Variants in SH2D7 observed in about 807,000 individuals in gnomAD.
The protein encoded by SH2D7 is SH2 domain-containing protein 7.
A neutral mutation model predicts 40.8 loss-of-function variants in SH2D7; 32 were observed. The observed-to-expected ratio is 0.78, with a 90% confidence interval of 0.59 to 1.05. The LOEUF is 1.05. SH2D7 is among the 50% of genes least tolerant of loss of function. The pLI is 0.00. For missense variants in SH2D7, 559 were observed against 566.6 expected (o/e 0.99, Z 0.14); for synonymous variants, 195 against 221.5 (o/e 0.88, Z 1.06).
rs1273016843 is a variant in SH2D7, at chr15:78,097,545, A to AT, written c.267-377dup. Among the ~76,000 whole-genome samples the AT allele has an allele frequency of 2.6e-5, 4 of 151,932 alleles. No homozygotes were observed. The South Asian group carries it at 8.3e-4, about 32-fold the overall frequency. ...AACTTTGGTGTTTTGTTCATTGTGG[A>AT]TTTTTTTCATATATTTTGATTTTCT... On this transcript the variant is annotated intron_variant, in intron 2 of 5. Transcript: ENST00000328828.
At position 78,092,951 on chromosome 15, in the gene SH2D7, C is replaced by T. The variant is rs960528693; in HGVS notation, c.176+191C>T. ...TGGTGGTGGCTTCTGTAGGCAGAGTCGGGGAGGGCAACGGCCTCTACTTTA... is the reference window on the plus strand; with the variant it reads ...TGGTGGTGGCTTCTGTAGGCAGAGTTGGGGAGGGCAACGGCCTCTACTTTA... On this transcript the variant is annotated intron_variant, in intron 1 of 5. Coordinates refer to ENST00000328828, the MANE Select transcript of SH2D7 (RefSeq NM_001101404.2). Among the ~76,000 whole-genome samples the T allele has an allele frequency of 5.3e-5, 8 of 151,302 alleles. No homozygotes were observed. The East Asian group carries it at 1.2e-3, about 22-fold the overall frequency.
In SH2D7 at chr15:78,092,628, AG is replaced by A. The variant is rs1383463062; in HGVS notation, c.49del (p.Ala17GlnfsTer15). 6.4e-7 allele frequency: 1 copy of A among 1,556,206 alleles called. No individual in the cohort carries two copies. The highest frequency in any genetic ancestry group is 8.7e-7 in the Non-Finnish European group (1 of 1,149,798). ...LKQLSLGRDP[E>X]GAGDSQALAE... ...CAGCTCAGCCTGGGGAGAGATCCTG[AG>A]GGGGCAGGGGACAGCCAGGCCCTGG... On this transcript the variant is annotated frameshift_variant, in exon 1 of 6. Transcript: ENST00000328828. LOFTEE classifies it high-confidence loss of function.
chr15:78,092,868 AGGCAGGGGCCCTTGGAGGCGGGG>A (rs2073948315), intron 1 of SH2D7, 108 bp downstream of exon 1: 11 of 1,339,500 alleles, frequency 8.2e-6, no homozygotes, highest in Non-Finnish European at 1.1e-5. Context: ...TCCCTGGGCT[AGGCAGGGGCCCTTGGAGGCGGGG>A]GGCAGGGGAA....
intron 2 of SH2D7, among the ~76,000 whole-genome samples, chr15:78,096,060 C>T (rs893942026): frequency 6.6e-6 from 1 of 152,116 alleles, no homozygotes; most frequent in Non-Finnish European, 1.5e-5. Flanking sequence ...TCAGGCTGGT[C>T]TCAATCTCCT....
upstream of SH2D7, chr15:78,091,247 C>A (rs947411551): frequency 6.6e-6 from 1 of 152,272 alleles, no homozygotes; most frequent in South Asian, 2.1e-4. Flanking sequence ...GGGCTTTAAG[C>A]AGGGGAAATG....
At chr15:78,102,923 G>A (rs1024391207) in intron 5 of SH2D7, among the ~76,000 whole-genome samples, 1 of 152,166 alleles carries the variant, frequency 6.6e-6, no homozygotes, top group African/African-American at 2.4e-5. Flanking sequence ...AGATCTTCCT[G>A]GGAAGTGCTG....
chr15:78,095,388 G>A (rs2073964910), intron 2 of SH2D7, among the ~76,000 whole-genome samples: 1 of 152,128 alleles, frequency 6.6e-6, no homozygotes. Flanking sequence ...CTTCCCAGGT[G>A]AGATCTTAGG....
intron 5 of SH2D7, among the ~76,000 whole-genome samples, chr15:78,102,964 C>T (rs1360678338): frequency 6.6e-6 from 1 of 152,094 alleles, no homozygotes; most frequent in African/African-American, 2.4e-5. Flanking sequence ...GGGCTGTGCC[C>T]ACACACCCCA....
At chr15:78,098,318 A>G in intron 3 of SH2D7, 66 bp from the exon 4 acceptor site, 1 of 1,564,308 alleles carries the variant, frequency 6.4e-7, no homozygotes, top group Non-Finnish European at 8.8e-7. Flanking sequence ...CAGCAGTCTC[A>G]GGCAGGCAGC....
chr15:78,094,813 T>C (rs1185853538), intron 2 of SH2D7, among the ~76,000 whole-genome samples: 3 of 152,118 alleles, frequency 2.0e-5, no homozygotes, highest in Non-Finnish European at 4.4e-5. Flanking sequence ...CACTGGGGAC[T>C]CCTGCAATTG....
rs974373426 is a variant in SH2D7 at position 78,092,732 on chromosome 15, C to T, written c.148C>T (p.Pro50Ser). 6.2e-7 allele frequency: 1 copy of T among 1,607,594 alleles called. No individual in the cohort carries two copies. Among genetic ancestry groups the T allele is most frequent in the African/African-American group, 1.3e-5 (1 of 74,814 alleles). Residue 50 changes from proline (P) to serine (S), a missense_variant, in exon 1 of 6, where the codon CCC becomes TCC. Transcript: ENST00000328828. ...PFILQNGALPPWFHGFITRKQ... is the reference protein window; with the variant it reads ...PFILQNGALPSWFHGFITRKQ... ...CATTCTGCAGAACGGTGCCCTGCCT[C>T]CCTGGTTTCATGGATTCATCACCCG... is the stretch of plus-strand genomic sequence containing the variant.
chr15:78,098,511 C>G lies in SH2D7; in HGVS notation c.560C>G (p.Ser187Cys). 6.2e-7 allele frequency: 1 copy of G among 1,614,050 alleles called. No homozygotes were observed. The highest frequency in any genetic ancestry group is 8.5e-7 in the Non-Finnish European group (1 of 1,179,890). Residue 187 changes from serine to cysteine, a missense_variant, in exon 4 of 6, where the codon TCT becomes TGT. Ser to Cys is a moderately radical substitution (Grantham distance 112, BLOSUM62 -1). Transcript: ENST00000328828. Reference sequence around the variant, plus strand: ...GACAAGGCCGCCAGCCCCCGCTCTTCTCCAAAGCCCCAGGTCTCCTTCCTC... The same window carrying G: ...GACAAGGCCGCCAGCCCCCGCTCTTGTCCAAAGCCCCAGGTCTCCTTCCTC... The part of the protein sequence containing the change: ...VPDKAASPRS[S>C]PKPQVSFLHA...
intron 2 of SH2D7, 80 bp from the exon 3 acceptor site, chr15:78,097,849 C>T: frequency 6.5e-7 from 1 of 1,543,940 alleles, no homozygotes; most frequent in Non-Finnish European, 8.8e-7. Context: ...CACCTGCACC[C>T]AGGCACAGAG....
chr15:78,091,498 A>G (rs1023745961), upstream of SH2D7, among the ~76,000 whole-genome samples: 3 of 152,186 alleles, frequency 2.0e-5, no homozygotes, highest in Non-Finnish European at 2.9e-5. Context: ...GGGTGGTCTC[A>G]CATCAGTGTG....
intron 5 of SH2D7, among the ~76,000 whole-genome samples, chr15:78,102,042 G>A (rs1279270745): frequency 6.6e-6 from 1 of 152,114 alleles, no homozygotes; most frequent in African/African-American, 2.4e-5. Flanking sequence ...GCTTGAGCTT[G>A]GGAGTTTGAG....
At position 78,101,094 on chromosome 15, in the gene SH2D7, CA is replaced by C. The variant is rs1393667049; in HGVS notation, c.844del (p.Arg282GlyfsTer21). 1 of 1,582,330 alleles carries C rather than the reference CA, an allele frequency of 6.3e-7. No individual in the cohort carries two copies. The highest frequency in any genetic ancestry group is 1.2e-5 in the South Asian group (1 of 85,388). On this transcript the variant is annotated frameshift_variant, in exon 5 of 6. Coordinates refer to ENST00000328828, the MANE Select transcript of SH2D7 (RefSeq NM_001101404.2). LOFTEE classifies it high-confidence loss of function. ...SQAYSPGREA[Q>X]RRLSDGEQNR... ...GGCCTACTCCCCAGGCAGGGAGGCC[CA>C]AAGGAGACTCTCAGATGGAGAACAG...
intron 2 of SH2D7, among the ~76,000 whole-genome samples, chr15:78,096,435 A>C (rs962641520): frequency 6.6e-6 from 1 of 152,216 alleles, no homozygotes; most frequent in African/African-American, 2.4e-5. Flanking sequence ...TAAAGCCACA[A>C]TGGATGGCTA....
At position 78,103,521 on chromosome 15, in the gene SH2D7, T is replaced by C; in HGVS notation, c.*6T>C. The stretch of plus-strand genomic sequence containing the variant: ...ACAGGAAGCACAAATTCTGAGGGCC[T>C]GGCATCCGGCAGCCCACCAGTGGGT... On this transcript the variant is annotated 3_prime_UTR_variant, in exon 6 of 6. Coordinates refer to ENST00000328828, the MANE Select transcript of SH2D7 (RefSeq NM_001101404.2). 1 of 1,562,452 alleles carries C rather than the reference T, an allele frequency of 6.4e-7. No individual in the cohort carries two copies. Among genetic ancestry groups the C allele is most frequent in the Non-Finnish European group, 8.7e-7 (1 of 1,152,506 alleles).
intron 3 of SH2D7, 109 bp downstream of exon 3, chr15:78,098,203 C>T (rs1023049750): frequency 6.9e-7 from 1 of 1,441,430 alleles, no homozygotes; most frequent in Non-Finnish European, 9.3e-7. Flanking sequence ...TTACTATCAC[C>T]CAGGGGCACT....
Sources: gnomAD v4.1 joint callset for allele counts (sites outside exome capture counted in the v4.1 genomes callset) on GRCh38, gnomAD v4.1.1 for gene constraint, MANE v1.5 for transcripts, NCBI Gene and HGNC (gene_info 2026-07-23, HGNC 2026-07-21) for gene names.